The following POLDIP3 variants were observed in gnomAD, a reference collection of about 807,000 sequenced individuals.
POLDIP3 encodes the protein DNA polymerase delta interacting protein 3, also known as polymerase delta-interacting protein 3.
POLDIP3 carries 14 observed loss-of-function variants against 45.1 expected under a neutral mutation model. The observed-to-expected ratio is 0.31, with a 90% CI of 0.20 to 0.49. The LOEUF (loss-of-function observed/expected upper bound fraction) is 0.49. Ranked by LOEUF, POLDIP3 falls within the 20% of genes least tolerant of loss-of-function variation. The pLI is 0.99. For missense variants in POLDIP3, 511 were observed against 538.8 expected, an observed-to-expected ratio of 0.95 and a Z score of 0.51; for synonymous variants, 223 against 205.2, an observed-to-expected ratio of 1.09 and a Z score of -0.74.
At chr22:42,609,909 C>G (rs1247233300) in intron 1 of POLDIP3, among the ~76,000 whole-genome samples, 1 of 152,184 alleles carries the variant, frequency 6.6e-6, no homozygotes, top group Non-Finnish European at 1.5e-5. Flanking sequence ...AGGTGGCTCA[C>G]GCCTGTAATC....
chr22:42,595,070 G>A (rs969896189), intron 6 of POLDIP3, among the ~76,000 whole-genome samples: 2 of 152,148 alleles, frequency 1.3e-5, no homozygotes, highest in African/African-American at 2.4e-5. Flanking sequence ...CTGAGAACTC[G>A]GATCTCAGGA....
chr22:42,603,041 A>G lies in POLDIP3; in HGVS notation c.179T>C (p.Ile60Thr), dbSNP rs200930073. ...FQQRFDARQKIGLSDARLKLG... is the reference protein window; with the variant it reads ...FQQRFDARQKTGLSDARLKLG... Reference sequence around the variant, plus strand: ...TTTGAGCCGGGCATCTGAGAGGCCAATCTTCTGCCGGGCATCAAATCTCTG... The same window carrying G: ...TTTGAGCCGGGCATCTGAGAGGCCAGTCTTCTGCCGGGCATCAAATCTCTG... Residue 60 changes from isoleucine (I) to threonine (T), a missense_variant, in exon 2 of 9, where the codon ATT (isoleucine) becomes ACT (threonine). Ile to Thr is a moderately conservative substitution (Grantham distance 89, BLOSUM62 -1). Around this residue, in one of 4 missense-constraint regions of POLDIP3, gnomAD observed 378 missense variants for 352.3 expected, o/e 1.07. Transcript: ENST00000252115. 9.9e-6 allele frequency: 16 copies of G among 1,614,154 alleles called. No homozygotes were observed. The highest frequency in any genetic ancestry group is 1.3e-5 in the Non-Finnish European group (15 of 1,180,012).
chr22:42,587,779 C>T (rs761614953), intron 7 of POLDIP3, among the ~76,000 whole-genome samples: 24 of 152,148 alleles, frequency 1.6e-4, no homozygotes, highest in Non-Finnish European at 2.2e-4. Flanking sequence ...AGTGGAGCAC[C>T]AAGAGGCAAA....
intron 1 of POLDIP3, among the ~76,000 whole-genome samples, chr22:42,614,054 T>C (rs763557661): frequency 6.6e-6 from 1 of 151,972 alleles, no homozygotes; most frequent in African/African-American, 2.4e-5. Flanking sequence ...AAATAACCAA[T>C]CTCCTGCCCA....
rs2146844294 is a variant in POLDIP3 at position 42,614,141 on chromosome 22, C to A, written c.59+658G>T. Among the ~76,000 whole-genome samples the A allele has an allele frequency of 2.0e-5, 3 of 152,334 alleles. No individual in the cohort carries two copies. In the South Asian group the frequency reaches 6.2e-4, roughly 32 times the overall value. ...ATCGCGCTCAGCCCGCCGCTCAGTT[C>A]TCCGTGGCCTCGGGCAAGTCACTCT... On this transcript the variant is annotated intron_variant, in intron 1 of 8. Coordinates refer to ENST00000252115, the MANE Select transcript of POLDIP3 (RefSeq NM_032311.5).
rs935961380 is a variant in POLDIP3, at chr22:42,602,622, G to A, written c.450+148C>T. On this transcript the variant is annotated intron_variant, in intron 2 of 8. Coordinates refer to ENST00000252115, the MANE Select transcript of POLDIP3 (RefSeq NM_032311.5). ...CCTTGTATAGTTCCTTGGCTATAAC[G>A]TACTTAAAGCCTCTGTAAGGAGCAA... is the stretch of plus-strand genomic sequence containing the variant. 13 of 846,026 alleles carry A rather than the reference G, an allele frequency of 1.5e-5. No homozygotes were observed. In the African/African-American group the frequency reaches 1.9e-4, roughly 12 times the overall value. 52.4% of individuals were successfully genotyped at this position (846,026 alleles called of 1,614,324 possible).
intron 1 of POLDIP3, among the ~76,000 whole-genome samples, chr22:42,608,619 C>A (rs962519436): frequency 2.0e-5 from 3 of 152,072 alleles, no homozygotes; most frequent in Non-Finnish European, 4.4e-5. Context: ...CCCAGGGATA[C>A]GGAGCACTCT....
intron 1 of POLDIP3, among the ~76,000 whole-genome samples, chr22:42,605,472 T>G (rs1042466025): frequency 6.6e-6 from 1 of 152,260 alleles, no homozygotes; most frequent in Admixed American, 6.5e-5. Flanking sequence ...TTTCTTATAG[T>G]AGCCTAAACG....
intron 6 of POLDIP3, among the ~76,000 whole-genome samples, chr22:42,592,462 C>A (rs1438534477): frequency 6.6e-6 from 1 of 152,222 alleles, no homozygotes; most frequent in African/African-American, 2.4e-5. Flanking sequence ...ACCTGAGAAT[C>A]TGTTACAAAT....
At chr22:42,592,314 C>A (rs899507813) in intron 6 of POLDIP3, among the ~76,000 whole-genome samples, 2 of 152,240 alleles carry the variant, frequency 1.3e-5, no homozygotes, top group African/African-American at 4.8e-5. Context: ...AGCCTTGGAT[C>A]ACCTGGGATC....
intron 7 of POLDIP3, among the ~76,000 whole-genome samples, chr22:42,589,310 T>C (rs1925521708): frequency 6.6e-6 from 1 of 152,052 alleles, no homozygotes; most frequent in South Asian, 2.1e-4. Flanking sequence ...GCTGGTCTTT[T>C]ACTTATTAGC....
At chr22:42,592,335 C>A (rs1049830073) in intron 6 of POLDIP3, among the ~76,000 whole-genome samples, 1 of 152,256 alleles carries the variant, frequency 6.6e-6, no homozygotes, top group Non-Finnish European at 1.5e-5. Flanking sequence ...TCCCAGCAAG[C>A]CACCACCAAA....
intron 1 of POLDIP3, among the ~76,000 whole-genome samples, chr22:42,612,166 C>A (rs779593383): frequency 5.3e-5 from 8 of 152,190 alleles, no homozygotes; most frequent in Non-Finnish European, 8.8e-5. Flanking sequence ...TCATGTTACT[C>A]CTTTACTTTA....
intron 7 of POLDIP3, among the ~76,000 whole-genome samples, chr22:42,588,529 A>C (rs1925461911): frequency 6.6e-6 from 1 of 151,912 alleles, no homozygotes; most frequent in African/African-American, 2.4e-5. Context: ...TGGATTAAAT[A>C]ATCCAATCCA....
chr22:42,614,705 G>A (rs1269882857), intron 1 of POLDIP3, 94 bp downstream of exon 1: 3 of 1,394,478 alleles, frequency 2.2e-6, no homozygotes, highest in African/African-American at 2.9e-5. Context: ...GGGCGCACCC[G>A]GTCCTCCGCG....
In POLDIP3 at chr22:42,583,916, A is replaced by G. The variant is rs1925126315; in HGVS notation, c.*1875T>C. On this transcript the variant is annotated 3_prime_UTR_variant, in exon 9 of 9. Transcript: ENST00000252115. The stretch of plus-strand genomic sequence containing the variant: ...AAGATGACTGCTTATAGAGTGGAGG[A>G]GGCAAACAGGTCCCCTCAATGTACC... 6.6e-6 allele frequency: 1 copy of G among 152,458 alleles called. No homozygotes were observed. The allele number at this position is 152,458 out of a possible 1,614,324, so 9.4% of individuals were successfully genotyped here.
At chr22:42,612,465 T>C (rs536980100) in intron 1 of POLDIP3, among the ~76,000 whole-genome samples, 1 of 152,224 alleles carries the variant, frequency 6.6e-6, no homozygotes, top group East Asian at 1.9e-4. Flanking sequence ...TGTGCTTCTA[T>C]GCCTTTAAGG....
At chr22:42,604,882 G>A (rs1322518469) in intron 1 of POLDIP3, among the ~76,000 whole-genome samples, 2 of 152,166 alleles carry the variant, frequency 1.3e-5, no homozygotes, top group Non-Finnish European at 2.9e-5. Context: ...ATGTGATGGT[G>A]GTAGAAGGTG....
At chr22:42,606,761 C>T (rs758209065) in intron 1 of POLDIP3, among the ~76,000 whole-genome samples, 1 of 152,138 alleles carries the variant, frequency 6.6e-6, no homozygotes, top group African/African-American at 2.4e-5. Flanking sequence ...CAGCTTTAGA[C>T]GTCCTTTAAA....
Sources: gnomAD v4.1 joint callset for allele counts (sites outside exome capture counted in the v4.1 genomes callset) on GRCh38, gnomAD v4.1.1 for gene constraint, gnomAD v4.1.1 regional missense constraint, MANE v1.5 for transcripts, NCBI Gene and HGNC (gene_info 2026-07-23, HGNC 2026-07-21) for gene names.